The following SFSWAP variants were observed in gnomAD, a reference collection of about 807,000 sequenced individuals.
The protein encoded by SFSWAP is splicing factor, suppressor of white-apricot homolog.
Under a neutral mutation model 100.7 loss-of-function variants are expected in SFSWAP, and 17 were observed. That is an observed-to-expected ratio of 0.17 (90% confidence interval 0.12 to 0.25). The LOEUF (loss-of-function observed/expected upper bound fraction) is 0.25. SFSWAP is among the 10% of genes least tolerant of loss of function. The pLI, the probability that SFSWAP is intolerant of heterozygous loss-of-function variation, is 1.00. For missense variants in SFSWAP, 1,005 were observed against 1,262.6 expected (o/e 0.80, Z 3.09); for synonymous variants, 504 against 510.1 (o/e 0.99, Z 0.16).
At chr12:131,772,808 G>A (rs971789910) in intron 13 of SFSWAP, among the ~76,000 whole-genome samples, 4 of 152,182 alleles carry the variant, frequency 2.6e-5, no homozygotes, top group African/African-American at 7.2e-5. Context: ...GTTCTTGTCC[G>A]GCGTCCAGCA....
chr12:131,728,171 G>A (rs903967449), intron 6 of SFSWAP, 122 bp from the exon 7 acceptor site: 8 of 1,093,978 alleles, frequency 7.3e-6, no homozygotes, highest in East Asian at 4.8e-5. Context: ...CCATGGGTGC[G>A]TGCATGTGTG....
At chr12:131,760,603 G>A (rs544340254) in intron 11 of SFSWAP, among the ~76,000 whole-genome samples, 4 of 152,260 alleles carry the variant, frequency 2.6e-5, no homozygotes, top group South Asian at 2.1e-4. Flanking sequence ...TCCTAGAAAC[G>A]TGTTTTACCA....
In SFSWAP at chr12:131,799,554, G is replaced by A. The variant is rs892596302; in HGVS notation, c.*66G>A. ...TTCTGGGCAGGCTCACGCAGACGCC[G>A]GCCACACCATCCACCTGGCCGCCTC... On this transcript the variant is annotated 3_prime_UTR_variant, in exon 18 of 18. Coordinates refer to ENST00000261674, the MANE Select transcript of SFSWAP (RefSeq NM_004592.4). 4.7e-5 allele frequency: 65 copies of A among 1,387,356 alleles called. No individual in the cohort carries two copies. The highest frequency in any genetic ancestry group is 1.9e-4 in the Middle Eastern group (1 of 5,398). 85.9% of individuals were successfully genotyped at this position (1,387,356 alleles called of 1,614,324 possible). A position where few individuals can be genotyped will look rare whatever the true frequency, so the allele number is the denominator to read the frequency against.
At chr12:131,741,842 C>T (rs868517041) in intron 7 of SFSWAP, among the ~76,000 whole-genome samples, 2 of 152,148 alleles carry the variant, frequency 1.3e-5, no homozygotes, top group South Asian at 4.1e-4. Context: ...GGGTCACATG[C>T]TCCTGTAGCC....
chr12:131,782,024 G>T (rs1593184343), intron 14 of SFSWAP, among the ~76,000 whole-genome samples: 1 of 152,204 alleles, frequency 6.6e-6, no homozygotes, highest in Non-Finnish European at 1.5e-5. Flanking sequence ...GTGGTCTCTG[G>T]AGTCTGAGGA....
chr12:131,739,005 G>A (rs1475213715), intron 7 of SFSWAP, among the ~76,000 whole-genome samples: 3 of 125,836 alleles, frequency 2.4e-5, no homozygotes, highest in Non-Finnish European at 3.3e-5. Flanking sequence ...TCAGCCTCCT[G>A]ACCAGCTGGG....
chr12:131,733,326 G>A lies in SFSWAP; in HGVS notation c.1081+4898G>A, dbSNP rs1410262275. ...ATTCCTGACCTGTTGAGCCAGGGGT[G>A]GATTGGCAGGCCTATAAGGCGCCTT... On this transcript the variant is annotated intron_variant, in intron 7 of 17. Coordinates refer to ENST00000261674, the MANE Select transcript of SFSWAP (RefSeq NM_004592.4). The surrounding 1 kb of genome is among the most constrained non-coding windows in gnomAD (Gnocchi z 5.1). Among the ~76,000 whole-genome samples, 1 of 152,212 alleles carries A rather than the reference G, an allele frequency of 6.6e-6. No homozygotes were observed. Among genetic ancestry groups the A allele is most frequent in the African/African-American group, 2.4e-5 (1 of 41,456 alleles).
At position 131,711,528 on chromosome 12, in the gene SFSWAP, C is replaced by T. The variant is rs1235925427; in HGVS notation, c.218+81C>T. ...TCTGATGTTGACTTGACTGCAAGGACTGCAGAGAGTTTTCTGGAGCCAGCG... is the reference window on the plus strand; with the variant it reads ...TCTGATGTTGACTTGACTGCAAGGATTGCAGAGAGTTTTCTGGAGCCAGCG... On this transcript the variant is annotated intron_variant, in intron 1 of 17. Transcript: ENST00000261674. The surrounding 1 kb of genome is among the most constrained non-coding windows in gnomAD (Gnocchi z 4.9). The T allele has an allele frequency of 4.9e-6, 6 of 1,218,604 alleles. No homozygotes were observed. The highest frequency in any genetic ancestry group is 7.1e-6 in the Non-Finnish European group (6 of 845,720). The allele number at this position is 1,218,604 out of a possible 1,614,324, so 75.5% of individuals were successfully genotyped here. A position where few individuals can be genotyped will look rare whatever the true frequency, so the allele number is the denominator to read the frequency against.
chr12:131,726,868 GT>G, intron 5 of SFSWAP, 71 bp from the exon 6 acceptor site: 2 of 979,066 alleles, frequency 2.0e-6, no homozygotes, highest in Non-Finnish European at 1.6e-6. Context: ...CTGCTTCTAA[GT>G]TTTTGCATAA....
At chr12:131,754,321 T>C in intron 8 of SFSWAP, 47 bp from the exon 9 acceptor site, 1 of 1,454,706 alleles carries the variant, frequency 6.9e-7, no homozygotes, top group South Asian at 1.5e-5. Flanking sequence ...GGACTGAGCT[T>C]GGCGAGCCCC....
intron 16 of SFSWAP, 100 bp downstream of exon 16, chr12:131,797,460 T>C: frequency 8.9e-7 from 1 of 1,126,262 alleles, no homozygotes; most frequent in African/African-American, 1.6e-5. Flanking sequence ...AGTACTCGCC[T>C]GTGTCCAGGG....
chr12:131,749,102 G>A (rs1249307488), intron 7 of SFSWAP, among the ~76,000 whole-genome samples: 5 of 152,188 alleles, frequency 3.3e-5, no homozygotes, highest in African/African-American at 9.7e-5. Context: ...AATAGGCTTC[G>A]TGTTAGATGA....
intron 14 of SFSWAP, chr12:131,784,040 G>T (rs1191570596): frequency 6.6e-6 from 1 of 151,880 alleles, no homozygotes; most frequent in Admixed American, 6.6e-5. Context: ...TCCTAATCCT[G>T]CCCCTTAAAG....
At chr12:131,745,228 T>C (rs1028589661) in intron 7 of SFSWAP, among the ~76,000 whole-genome samples, 3 of 152,238 alleles carry the variant, frequency 2.0e-5, no homozygotes, top group African/African-American at 4.8e-5. Flanking sequence ...TGGTTTGTTT[T>C]ACCATTTTTA....
At chr12:131,724,619 T>C (rs1229273599) in intron 4 of SFSWAP, among the ~76,000 whole-genome samples, 1 of 152,270 alleles carries the variant, frequency 6.6e-6, no homozygotes, top group Non-Finnish European at 1.5e-5. Context: ...TGAAAGGTAT[T>C]TTAGATGTGT....
At chr12:131,723,776 G>A (rs2136185769) in intron 4 of SFSWAP, among the ~76,000 whole-genome samples, 1 of 152,298 alleles carries the variant, frequency 6.6e-6, no homozygotes, top group African/African-American at 2.4e-5. Context: ...GCCTCCTCTG[G>A]AGCTTAAATT....
intron 16 of SFSWAP, among the ~76,000 whole-genome samples, 187 bp downstream of exon 16, chr12:131,797,547 G>A (rs185318405): frequency 6.4e-4 from 97 of 152,370 alleles, no homozygotes; most frequent in African/African-American, 2.3e-3. Flanking sequence ...CAATCCATGA[G>A]CGCTCAGAGG....
intron 14 of SFSWAP, among the ~76,000 whole-genome samples, chr12:131,783,106 G>A (rs952899504): frequency 3.3e-5 from 5 of 151,702 alleles, no homozygotes; most frequent in South Asian, 2.1e-4. Flanking sequence ...GCTTGAACCC[G>A]GGAGGTGGAG....
At chr12:131,755,594 C>T (rs1443091131) in intron 10 of SFSWAP, 115 bp downstream of exon 10, 1 of 698,406 alleles carries the variant, frequency 1.4e-6, no homozygotes, top group East Asian at 2.6e-5. Context: ...TGATTCTTCA[C>T]CTTTTTTTAA....
Sources: allele counts gnomAD v4.1 joint callset (sites outside exome capture counted in the v4.1 genomes callset), GRCh38; gene constraint gnomAD v4.1.1; non-coding constraint Gnocchi (gnomAD v3.1); transcripts MANE v1.5; gene names NCBI Gene and HGNC (gene_info 2026-07-23, HGNC 2026-07-21).